ATP8A2: variants seen among roughly 807,000 people sequenced by gnomAD.
The protein encoded by ATP8A2 is ATPase phospholipid transporting 8A2, also known as phospholipid-transporting ATPase IB.
A neutral mutation model predicts 165.6 loss-of-function variants in ATP8A2; 100 were observed. The ratio of observed to expected loss-of-function variants is 0.60; its 90% CI spans 0.51 to 0.71. The LOEUF (loss-of-function observed/expected upper bound fraction) is 0.71. Ranked by LOEUF, ATP8A2 falls within the 30% of genes least tolerant of loss-of-function variation. ATP8A2 has a pLI of 0.00. For missense variants in ATP8A2, 1,227 were observed against 1,479.5 expected (o/e 0.83, Z 2.80); for synonymous variants, 543 against 548.8 (o/e 0.99, Z 0.15).
chr13:25,615,644 C>T (rs1374357052), intron 24 of ATP8A2, among the ~76,000 whole-genome samples: 2 of 152,170 alleles, frequency 1.3e-5, no homozygotes, highest in Non-Finnish European at 2.9e-5. Context: ...CCTGATTCCA[C>T]TGGTAGCCCT....
chr13:25,921,277 T>C (rs566862671), intron 33 of ATP8A2, among the ~76,000 whole-genome samples: 1 of 152,074 alleles, frequency 6.6e-6, no homozygotes. Flanking sequence ...GTACATATCA[T>C]GGACTCTTTT....
chr13:25,372,390 C>G lies in ATP8A2; in HGVS notation c.76+102C>G, dbSNP rs1555261381. The stretch of plus-strand genomic sequence containing the variant: ...CACTGCCCCGCCCGCGCCCCGCTCC[C>G]CTCCCTGGGCTCCCTGGGCTCTCTG... On this transcript the variant is annotated intron_variant, in intron 1 of 36. Transcript: ENST00000381655. This position sits in a 1 kb window ranked among gnomAD's most constrained non-coding sequence, Gnocchi z 4.8. 4 of 846,612 alleles carry G rather than the reference C, an allele frequency of 4.7e-6. No homozygotes were observed. The highest frequency in any genetic ancestry group is 4.8e-6 in the Non-Finnish European group (3 of 620,976). The allele number at this position is 846,612 out of a possible 1,614,324, so 52.4% of individuals were successfully genotyped here. A position where few individuals can be genotyped will look rare whatever the true frequency, so the allele number is the denominator to read the frequency against.
chr13:25,995,012 A>G (rs1956468641), intron 35 of ATP8A2, among the ~76,000 whole-genome samples: 1 of 152,062 alleles, frequency 6.6e-6, no homozygotes. Context: ...TTTCCTTAAT[A>G]TTTAGAGAGC....
chr13:25,930,367 G>T (rs576716932), intron 33 of ATP8A2, among the ~76,000 whole-genome samples: 14 of 85,822 alleles, frequency 1.6e-4, no homozygotes. Flanking sequence ...GCCCACCTCC[G>T]CCCCCATCCC....
chr13:25,592,724 A>G (rs1028013686), intron 24 of ATP8A2, among the ~76,000 whole-genome samples: 9 of 152,086 alleles, frequency 5.9e-5, no homozygotes, highest in African/African-American at 2.2e-4. Context: ...TTCCCCTTAT[A>G]TCAGATGTTT....
chr13:25,884,837 A>T (rs1373652410), intron 33 of ATP8A2, among the ~76,000 whole-genome samples: 5 of 152,120 alleles, frequency 3.3e-5, no homozygotes, highest in Non-Finnish European at 7.4e-5. Context: ...TCCTCCCACG[A>T]GCCATCCCAG....
At chr13:25,517,467 T>A (rs2037517765) in intron 2 of ATP8A2, among the ~76,000 whole-genome samples, 1 of 152,224 alleles carries the variant, frequency 6.6e-6, no homozygotes, top group Admixed American at 6.5e-5. Context: ...AGTTATTTGT[T>A]GAATAATGCA....
intron 10 of ATP8A2, among the ~76,000 whole-genome samples, chr13:25,543,739 G>A (rs1468656108): frequency 6.6e-6 from 1 of 151,944 alleles, no homozygotes; most frequent in Non-Finnish European, 1.5e-5. Context: ...CCATTAATTA[G>A]GATTTTATAG....
At chr13:25,484,071 A>G (rs927964513) in intron 2 of ATP8A2, among the ~76,000 whole-genome samples, 3 of 152,214 alleles carry the variant, frequency 2.0e-5, no homozygotes, top group Non-Finnish European at 2.9e-5. Flanking sequence ...ACTGCTAGGA[A>G]CAAGCAGGCT....
Position 26,025,333 on chromosome 13 carries a change from CCT to C in ATP8A2, c.*5352_*5353del, listed in dbSNP as rs1957149489. 6.6e-6 allele frequency: 1 copy of C among 152,206 alleles called. No individual in the cohort carries two copies. The allele number at this position is 152,206 out of a possible 1,614,324, so 9.4% of individuals were successfully genotyped here. ...GCAATGCCGCTTCCCTCTGAGCCTC[CCT>C]CTCAAGGGCCACGCAGGCAGCTGCA... On this transcript the variant is annotated 3_prime_UTR_variant, in exon 37 of 37. Transcript: ENST00000381655.
chr13:25,809,407 A>T (rs977703265), intron 27 of ATP8A2, among the ~76,000 whole-genome samples: 4 of 152,136 alleles, frequency 2.6e-5, no homozygotes, highest in Admixed American at 2.6e-4. Context: ...CAAACTTAAC[A>T]TGTCCAAAAG....
chr13:25,536,050 C>G (rs898613783), intron 6 of ATP8A2, among the ~76,000 whole-genome samples: 3 of 151,442 alleles, frequency 2.0e-5, no homozygotes, highest in Non-Finnish European at 4.4e-5. Flanking sequence ...GTGGTTTTTT[C>G]TTTACTAATT....
chr13:25,563,661 G>A (rs2039227833), intron 15 of ATP8A2, among the ~76,000 whole-genome samples: 1 of 152,192 alleles, frequency 6.6e-6, no homozygotes, highest in Non-Finnish European at 1.5e-5. Context: ...CGGGCCAACT[G>A]AAATGCCAGC....
At chr13:25,541,892 A>C in intron 8 of ATP8A2, 27 bp from the exon 9 acceptor site, 1 of 1,613,398 alleles carries the variant, frequency 6.2e-7, no homozygotes, top group Non-Finnish European at 8.5e-7. Flanking sequence ...ATTGTGTTTG[A>C]CTTCCTCTTT....
chr13:25,966,798 G>T (rs1955787267), intron 34 of ATP8A2, among the ~76,000 whole-genome samples: 1 of 152,194 alleles, frequency 6.6e-6, no homozygotes, highest in South Asian at 2.1e-4. Flanking sequence ...TAAGCTGTAG[G>T]TTCCCAGTGG....
chr13:25,564,789 G>A (rs1232092242), intron 16 of ATP8A2, among the ~76,000 whole-genome samples: 1 of 152,124 alleles, frequency 6.6e-6, no homozygotes, highest in Non-Finnish European at 1.5e-5. Flanking sequence ...GAGATTTTGT[G>A]AGATTGTGGT....
intron 1 of ATP8A2, among the ~76,000 whole-genome samples, chr13:25,408,324 C>T (rs897332262): frequency 4.6e-5 from 7 of 151,192 alleles, no homozygotes; most frequent in Admixed American, 2.0e-4. Context: ...ACCCAGGAGG[C>T]GGAGGTTGCA....
chr13:25,605,031 C>A (rs1334372936), intron 24 of ATP8A2, among the ~76,000 whole-genome samples: 2 of 152,162 alleles, frequency 1.3e-5, no homozygotes, highest in Non-Finnish European at 2.9e-5. Context: ...AAAGGTATAT[C>A]ATGAAAAATG....
chr13:25,998,649 T>C (rs1956568266), intron 35 of ATP8A2, among the ~76,000 whole-genome samples: 1 of 152,182 alleles, frequency 6.6e-6, no homozygotes, highest in Admixed American at 6.5e-5. Context: ...AGCACTGTGC[T>C]GCTACAAGCC....
Sources: allele counts gnomAD v4.1 joint callset (sites outside exome capture counted in the v4.1 genomes callset), GRCh38; gene constraint gnomAD v4.1.1; non-coding constraint Gnocchi (gnomAD v3.1); transcripts MANE v1.5; gene names NCBI Gene and HGNC (gene_info 2026-07-23, HGNC 2026-07-21).